The following NUS1 variants were observed in gnomAD, a reference collection of about 807,000 sequenced individuals.
The protein encoded by NUS1 is NUS1 dehydrodolichyl diphosphate synthase subunit.
For missense variants in NUS1, 292 were observed against 382.9 expected (o/e 0.76, Z 1.98); for synonymous variants, 135 against 155.2 (o/e 0.87, Z 0.97).
chr6:117,699,009 A>G (rs989656408), intron 3 of NUS1, among the ~76,000 whole-genome samples: 2 of 152,284 alleles, frequency 1.3e-5, no homozygotes, highest in East Asian at 1.9e-4. Flanking sequence ...ACGCTACAAC[A>G]TAATAAAAGC....
chr6:117,682,118 C>A (rs1267085939), intron 1 of NUS1, among the ~76,000 whole-genome samples: 5 of 152,172 alleles, frequency 3.3e-5, no homozygotes, highest in Non-Finnish European at 7.3e-5. Flanking sequence ...AGGTGTGAGC[C>A]ACCGTGCCCA....
At chr6:117,680,019 C>T (rs946653894) in intron 1 of NUS1, among the ~76,000 whole-genome samples, 6 of 152,118 alleles carry the variant, frequency 3.9e-5, no homozygotes, top group African/African-American at 1.4e-4. Flanking sequence ...TACTTAAATT[C>T]GTTCTAATTA....
At chr6:117,688,665 G>C (rs1157156273) in intron 1 of NUS1, among the ~76,000 whole-genome samples, 2 of 152,122 alleles carry the variant, frequency 1.3e-5, no homozygotes, top group Non-Finnish European at 2.9e-5. Flanking sequence ...AGCTTTATTA[G>C]ATAAGCCGCC....
chr6:117,697,036 T>G (rs1254283958), intron 3 of NUS1, among the ~76,000 whole-genome samples: 1 of 152,102 alleles, frequency 6.6e-6, no homozygotes, highest in African/African-American at 2.4e-5. Context: ...AGTATACAGT[T>G]TTTATTAGTT....
chr6:117,684,492 C>T lies in NUS1; in HGVS notation c.415+8407C>T, dbSNP rs1251251794. Among the ~76,000 whole-genome samples the T allele has an allele frequency of 3.9e-5, 6 of 152,188 alleles. No individual in the cohort carries two copies. In the South Asian group the frequency reaches 1.2e-3, roughly 32 times the overall value. ...ACTGTAGTAGCCTCCTAATTGATCT[C>T]CATTTTTCTATCCTGGTCCCTGTAT... On this transcript the variant is annotated intron_variant, in intron 1 of 4. Coordinates refer to ENST00000368494, the MANE Select transcript of NUS1 (RefSeq NM_138459.5).
intron 1 of NUS1, among the ~76,000 whole-genome samples, chr6:117,691,126 C>T (rs187433808): frequency 3.1e-4 from 47 of 152,124 alleles, no homozygotes; most frequent in East Asian, 5.8e-4. Flanking sequence ...CTCATCGCCT[C>T]GACAAATTAT....
intron 1 of NUS1, among the ~76,000 whole-genome samples, chr6:117,678,120 A>G (rs1188105266): frequency 6.6e-6 from 1 of 152,196 alleles, no homozygotes; most frequent in African/African-American, 2.4e-5. Flanking sequence ...TAAAAGAAAA[A>G]TGATTAGTAA....
Position 117,703,700 on chromosome 6 carries a change from A to G in NUS1, c.787A>G (p.Ile263Val), listed in dbSNP as rs1773460765. The G allele has an allele frequency of 6.2e-7, 1 of 1,608,354 alleles. No individual in the cohort carries two copies. The highest frequency in any genetic ancestry group is 1.3e-5 in the African/African-American group (1 of 74,794). ...TCCCTGGCACATCAGATTGACTGAGATTGTGTAAGTAATTAAAAGCGTACT... is the reference window on the plus strand; with the variant it reads ...TCCCTGGCACATCAGATTGACTGAGGTTGTGTAAGTAATTAAAAGCGTACT... ...FLPWHIRLTE[I>V]VSLPSHLNIS... is the part of the protein sequence containing the mutation. Residue 263 changes from isoleucine to valine, a missense_variant, in exon 4 of 5, where the codon ATT becomes GTT. Transcript: ENST00000368494.
At chr6:117,688,537 C>G in intron 1 of NUS1, among the ~76,000 whole-genome samples, 1 of 151,680 alleles carries the variant, frequency 6.6e-6, no homozygotes, top group Non-Finnish European at 1.5e-5. Context: ...ATTTACTGTT[C>G]TCATTTTGCT....
Position 117,703,595 on chromosome 6 carries a change from T to G in NUS1, c.692-10T>G. On this transcript the variant is annotated splice_polypyrimidine_tract_variant and intron_variant, in intron 3 of 4. Transcript: ENST00000368494. ...CATGTTAAGTTCATGTGTATTTATT[T>G]ATTTCCAAGGTTCAAATGGTTGTCC... is the stretch of plus-strand genomic sequence containing the variant. 1 of 1,600,350 alleles carries G rather than the reference T, an allele frequency of 6.2e-7. No individual in the cohort carries two copies. The highest frequency in any genetic ancestry group is 8.6e-7 in the Non-Finnish European group (1 of 1,167,630).
At chr6:117,703,854 T>G (rs1562183101) in intron 4 of NUS1, 150 bp downstream of exon 4, 2 of 652,502 alleles carry the variant, frequency 3.1e-6, no homozygotes. Context: ...TAAAATAAAG[T>G]CATACATAAA....
chr6:117,692,375 T>A (rs915372023), intron 1 of NUS1, among the ~76,000 whole-genome samples: 3 of 152,070 alleles, frequency 2.0e-5, no homozygotes, highest in African/African-American at 7.2e-5. Flanking sequence ...GAGCTCTTAC[T>A]AGTTTTACAT....
At chr6:117,694,476 T>C (rs550292494) in intron 3 of NUS1, among the ~76,000 whole-genome samples, 1 of 152,144 alleles carries the variant, frequency 6.6e-6, no homozygotes, top group Non-Finnish European at 1.5e-5. Flanking sequence ...GACTTCTGCT[T>C]GTTAGCCTTC....
chr6:117,675,485 G>A lies in NUS1; in HGVS notation c.-186G>A. The stretch of plus-strand genomic sequence containing the variant: ...ACTGTCCATGTACTACTGGGGGCGG[G>A]GCTGCCAAGGGAGGAGGAAGATGGC... On this transcript the variant is annotated 5_prime_UTR_variant, in exon 1 of 5. Coordinates refer to ENST00000368494, the MANE Select transcript of NUS1 (RefSeq NM_138459.5). 1.6e-6 allele frequency: 1 copy of A among 613,920 alleles called. No individual in the cohort carries two copies. The allele number at this position is 613,920 out of a possible 1,614,324, so 38.0% of individuals were successfully genotyped here.
At chr6:117,680,897 A>G (rs1263980907) in intron 1 of NUS1, among the ~76,000 whole-genome samples, 1 of 152,162 alleles carries the variant, frequency 6.6e-6, no homozygotes, top group Non-Finnish European at 1.5e-5. Flanking sequence ...AATCGAAGCT[A>G]GGTTGCTTTT....
rs914678907 is a variant in NUS1, at chr6:117,675,793, C to G, written c.123C>G (p.Cys41Trp). 4.5e-6 allele frequency: 7 copies of G among 1,563,158 alleles called. No homozygotes were observed. The highest frequency in any genetic ancestry group is 5.2e-6 in the Non-Finnish European group (6 of 1,156,992). The change falls in exon 1 of 5, where the codon TGC (cysteine) becomes TGG (tryptophan). Residue 41 changes from cysteine (C) to tryptophan (W), a missense_variant. Transcript: ENST00000368494. ...GTWNWIWRRC[C>W]RAASAAVLAP... is the part of the protein sequence containing the mutation. ...GGAACTGGATCTGGCGGCGCTGCTG[C>G]CGCGCCGCCTCTGCCGCGGTCCTAG... is the stretch of plus-strand genomic sequence containing the variant.
Position 117,703,612 on chromosome 6 carries a change from T to C in NUS1, c.699T>C (p.Asn233=), listed in dbSNP as rs746621138. ...VDTLASLLSS[N]GCPDPDLVLK... The stretch of plus-strand genomic sequence containing the variant: ...TATTTATTTATTTCCAAGGTTCAAA[T>C]GGTTGTCCTGATCCTGATTTAGTAT... Residue 233 remains asparagine (N), a synonymous_variant, in exon 4 of 5, where the codon AAT becomes AAC. Coordinates refer to ENST00000368494, the MANE Select transcript of NUS1 (RefSeq NM_138459.5). 25 of 1,611,762 alleles carry C rather than the reference T, an allele frequency of 1.6e-5. No individual in the cohort carries two copies. The highest frequency in any genetic ancestry group is 4.0e-5 in the African/African-American group (3 of 74,902).
intron 1 of NUS1, among the ~76,000 whole-genome samples, chr6:117,692,357 T>C (rs1773235248): frequency 6.6e-6 from 1 of 152,070 alleles, no homozygotes; most frequent in Non-Finnish European, 1.5e-5. Context: ...TTCCTTTTTT[T>C]TTAGTCAGAG....
At chr6:117,684,421 T>C (rs1012683357) in intron 1 of NUS1, among the ~76,000 whole-genome samples, 5 of 152,228 alleles carry the variant, frequency 3.3e-5, no homozygotes, top group Non-Finnish European at 7.4e-5. Flanking sequence ...TTAGTCTCCA[T>C]TGCAGCCATC....
Sources: gnomAD v4.1 joint callset for allele counts (sites outside exome capture counted in the v4.1 genomes callset) on GRCh38, gnomAD v4.1.1 for gene constraint, MANE v1.5 for transcripts, NCBI Gene and HGNC (gene_info 2026-07-23, HGNC 2026-07-21) for gene names.